Variants in FKBP5 observed in about 807,000 individuals in gnomAD.
FKBP5 encodes the protein FKBP prolyl isomerase 5, also known as peptidyl-prolyl cis-trans isomerase FKBP5.
FKBP5 carries 23 observed loss-of-function variants against 50.5 expected under a neutral mutation model. The ratio of observed to expected loss-of-function variants is 0.46; its 90% CI spans 0.33 to 0.65. The LOEUF (loss-of-function observed/expected upper bound fraction) is 0.65. Ranked by LOEUF, FKBP5 falls within the 30% of genes least tolerant of loss-of-function variation. The pLI is 0.02. For missense variants in FKBP5, 411 were observed against 553.1 expected (o/e 0.74, Z 2.58); for synonymous variants, 176 against 190.6 (o/e 0.92, Z 0.63).
chr6:35,657,169 C>G (rs1419375735), intron 1 of FKBP5, among the ~76,000 whole-genome samples: 1 of 152,028 alleles, frequency 6.6e-6, no homozygotes, highest in Non-Finnish European at 1.5e-5. Flanking sequence ...GAGCTGAGAT[C>G]GCGCCACTGC....
intron 5 of FKBP5, among the ~76,000 whole-genome samples, chr6:35,607,173 A>G (rs1185107103): frequency 2.0e-5 from 3 of 152,038 alleles, no homozygotes; most frequent in Non-Finnish European, 4.4e-5. Flanking sequence ...CCTGACCTCA[A>G]ATGATCCACC....
rs566380873 is a variant in FKBP5, at chr6:35,593,713, C to T, written c.666-2493G>A. ...GGAATTACAGGCATGCACCACCACG[C>T]CCAGCTAATTTTTATATTTTTAGTA... On this transcript the variant is annotated intron_variant, in intron 6 of 10. Coordinates refer to ENST00000357266, the MANE Select transcript of FKBP5 (RefSeq NM_004117.4). 2.1e-3 allele frequency among the ~76,000 whole-genome samples: 319 copies of T among 152,180 alleles called. 3 individuals carry two copies. Among genetic ancestry groups the T allele is most frequent in the Non-Finnish European group, 5.4e-4 (37 of 67,998 alleles).
At chr6:35,616,595 T>TAA (rs1051815451) in intron 5 of FKBP5, among the ~76,000 whole-genome samples, 2 of 151,190 alleles carry the variant, frequency 1.3e-5, no homozygotes, top group Non-Finnish European at 3.0e-5. Context: ...AACAAAAAGT[T>TAA]AAAAAAAAAT....
chr6:35,701,215 G>GTTTT (rs1766176788), intron 2 of FKBP5, among the ~76,000 whole-genome samples: 1 of 80,632 alleles, frequency 1.2e-5, no homozygotes, highest in Non-Finnish European at 2.4e-5. Flanking sequence ...TTGTTTGTTT[G>GTTTT]TTTGTTTGTT....
intron 7 of FKBP5, among the ~76,000 whole-genome samples, chr6:35,589,270 A>G (rs2150959052): frequency 6.6e-6 from 1 of 151,388 alleles, no homozygotes; most frequent in African/African-American, 2.4e-5. Context: ...CTGAGATTAC[A>G]GGCACCTGCC....
intron 3 of FKBP5, among the ~76,000 whole-genome samples, chr6:35,622,380 A>G (rs75118012): frequency 6.6e-6 from 1 of 152,072 alleles, no homozygotes; most frequent in Non-Finnish European, 1.5e-5. Flanking sequence ...GCATGGTGGC[A>G]TATGCTTGTA....
intron 1 of FKBP5, among the ~76,000 whole-genome samples, chr6:35,654,078 T>C (rs1463549046): frequency 6.6e-6 from 1 of 152,220 alleles, no homozygotes; most frequent in African/African-American, 2.4e-5. Context: ...TACATGTATG[T>C]GCATATGGTC....
upstream of FKBP5, among the ~76,000 whole-genome samples, chr6:35,689,444 T>C (rs1023348825): frequency 6.6e-6 from 1 of 151,992 alleles, no homozygotes; most frequent in African/African-American, 2.4e-5. Flanking sequence ...ATTTAGCAGA[T>C]ATCACCTCCC....
intron 1 of FKBP5, among the ~76,000 whole-genome samples, chr6:35,727,805 CCTT>C: frequency 6.6e-6 from 1 of 152,196 alleles, no homozygotes; most frequent in East Asian, 1.9e-4. Context: ...CTGGGTGGCT[CCTT>C]CTGCTCGTAG....
intron 1 of FKBP5, among the ~76,000 whole-genome samples, chr6:35,726,363 T>C (rs965281393): frequency 3.3e-5 from 5 of 152,258 alleles, no homozygotes; most frequent in Admixed American, 6.5e-5. Context: ...TATGCTCTGG[T>C]TGGCTTTGGG....
intron 2 of FKBP5, among the ~76,000 whole-genome samples, chr6:35,694,008 T>C (rs1485797843): frequency 6.6e-6 from 1 of 151,862 alleles, no homozygotes; most frequent in Non-Finnish European, 1.5e-5. Context: ...TGCTTTTTAC[T>C]TTAAAAAAAA....
rs570497639 is a variant in FKBP5, at chr6:35,658,134, T to A, written c.-19-15291A>T. On this transcript the variant is annotated intron_variant, in intron 1 of 10. Coordinates refer to ENST00000357266, the MANE Select transcript of FKBP5 (RefSeq NM_004117.4). The stretch of plus-strand genomic sequence containing the variant: ...GCTCATGCCTGTAATCCCAGCACTT[T>A]GGGAGGCCGAGGTGGGTGGATCACG... 2.0e-5 allele frequency among the ~76,000 whole-genome samples: 3 copies of A among 151,628 alleles called. No individual in the cohort carries two copies. In the South Asian group the frequency reaches 6.2e-4, roughly 32 times the overall value.
At chr6:35,586,372 G>A in intron 8 of FKBP5, 1 of 984,972 alleles carries the variant, frequency 1.0e-6, no homozygotes, top group East Asian at 1.1e-4. Flanking sequence ...AATCATCTTG[G>A]CCATTAGAAG....
At chr6:35,682,455 G>A (rs917930404) in intron 1 of FKBP5, among the ~76,000 whole-genome samples, 2 of 152,100 alleles carry the variant, frequency 1.3e-5, no homozygotes, top group Non-Finnish European at 2.9e-5. Context: ...AGTTTCCAGA[G>A]ATAGGAACAC....
At chr6:35,602,142 C>G (rs1763165110) in intron 5 of FKBP5, among the ~76,000 whole-genome samples, 1 of 150,606 alleles carries the variant, frequency 6.6e-6, no homozygotes, top group African/African-American at 2.4e-5. Flanking sequence ...GCAATTTGTA[C>G]TCCGATTAAA....
intron 5 of FKBP5, among the ~76,000 whole-genome samples, chr6:35,601,424 A>G (rs1326313275): frequency 6.6e-6 from 1 of 152,210 alleles, no homozygotes; most frequent in African/African-American, 2.4e-5. Flanking sequence ...GAAAAGTTCT[A>G]CGAGACTGCT....
At chr6:35,688,587 G>A (rs1336046462) in intron 1 of FKBP5, 2 of 150,904 alleles carry the variant, frequency 1.3e-5, no homozygotes, top group African/African-American at 2.4e-5. Context: ...CCTGGGGCGC[G>A]GCGAGGGGCG....
chr6:35,672,446 A>C (rs1330481218), intron 1 of FKBP5, among the ~76,000 whole-genome samples: 1 of 152,034 alleles, frequency 6.6e-6, no homozygotes, highest in Non-Finnish European at 1.5e-5. Flanking sequence ...ATTTCAGTAA[A>C]AATCAATCTA....
chr6:35,725,409 G>A (rs982593786), intron 1 of FKBP5, among the ~76,000 whole-genome samples: 4 of 152,170 alleles, frequency 2.6e-5, no homozygotes, highest in African/African-American at 7.2e-5. Flanking sequence ...GGCTGGCAAG[G>A]GGAGAGGGAT....
Sources: gnomAD v4.1 joint callset for allele counts (sites outside exome capture counted in the v4.1 genomes callset) on GRCh38, gnomAD v4.1.1 for gene constraint, MANE v1.5 for transcripts, NCBI Gene and HGNC (gene_info 2026-07-23, HGNC 2026-07-21) for gene names.